Variants in ANO10 observed in about 807,000 individuals in gnomAD.
ANO10 encodes anoctamin 10, also known as anoctamin-10.
A neutral mutation model predicts 74.7 loss-of-function variants in ANO10; 77 were observed. The observed-to-expected ratio is 1.03, with a 90% CI of 0.86 to 1.25. The LOEUF is 1.25. Among genes scored for constraint, ANO10 ranks in the 50% most tolerant of loss-of-function variants. The pLI is 0.00. For missense variants in ANO10, 721 were observed against 778.1 expected (o/e 0.93, Z 0.87); for synonymous variants, 279 against 284.9 (o/e 0.98, Z 0.21).
intron 1 of ANO10, among the ~76,000 whole-genome samples, chr3:43,632,325 G>A (rs994325994): frequency 2.0e-5 from 3 of 152,194 alleles, no homozygotes; most frequent in Non-Finnish European, 2.9e-5. Context: ...GCACTGGCAG[G>A]AGACTAGAGA....
intron 12 of ANO10, among the ~76,000 whole-genome samples, chr3:43,412,960 A>G (rs576416065): frequency 1.3e-5 from 2 of 152,224 alleles, no homozygotes; most frequent in Non-Finnish European, 2.9e-5. Context: ...ACAAGGCAGG[A>G]GAATCACATG....
rs142113989 is a variant in ANO10, at chr3:43,561,519, C to T, written c.1294-117G>A. The T allele has an allele frequency of 1.1e-5, 10 of 946,476 alleles. No individual in the cohort carries two copies. The East Asian group carries it at 1.9e-4, about 18-fold the overall frequency. 58.6% of individuals were successfully genotyped at this position (946,476 alleles called of 1,614,324 possible). On this transcript the variant is annotated intron_variant, in intron 8 of 12. Transcript: ENST00000292246. The stretch of plus-strand genomic sequence containing the variant: ...TTATAGCATAAATACAATTATGCAA[C>T]AAATAAAATGGAATCTTCAATAAAT...
chr3:43,628,763 G>T (rs2083516740), intron 1 of ANO10, among the ~76,000 whole-genome samples: 1 of 152,124 alleles, frequency 6.6e-6, no homozygotes, highest in Admixed American at 6.6e-5. Flanking sequence ...GGGTGAAATA[G>T]ACCCCAGTCT....
intron 12 of ANO10, among the ~76,000 whole-genome samples, chr3:43,413,203 G>T (rs1426163548): frequency 1.3e-5 from 2 of 152,180 alleles, no homozygotes; most frequent in African/African-American, 4.8e-5. Flanking sequence ...GGCCACAGGA[G>T]AGAATGGAGA....
rs925663453 is a variant in ANO10, at chr3:43,366,876, G to A, written c.*30C>T. On this transcript the variant is annotated 3_prime_UTR_variant, in exon 13 of 13. Coordinates refer to ENST00000292246, the MANE Select transcript of ANO10 (RefSeq NM_018075.5). ...AGGTGTGGCACAGACACAGGCCTCT[G>A]CCAACAGGGCAGCTGGGCACGCTGG... The A allele has an allele frequency of 1.4e-5, 22 of 1,562,486 alleles. No individual in the cohort carries two copies. Among genetic ancestry groups the A allele is most frequent in the Non-Finnish European group, 1.7e-5 (20 of 1,152,652 alleles).
chr3:43,507,828 G>C (rs906896119), intron 11 of ANO10, among the ~76,000 whole-genome samples: 5 of 152,070 alleles, frequency 3.3e-5, no homozygotes, highest in African/African-American at 1.2e-4. Context: ...TGGTTTTGAA[G>C]AAAAAGGGGG....
At chr3:43,680,284 C>T (rs1227971996) in intron 1 of ANO10, among the ~76,000 whole-genome samples, 14 of 152,098 alleles carry the variant, frequency 9.2e-5, no homozygotes, top group Admixed American at 4.6e-4. Context: ...AACTATGTGA[C>T]GAATGCACAA....
chr3:43,589,696 T>G (rs2081640254), intron 4 of ANO10, among the ~76,000 whole-genome samples: 1 of 152,182 alleles, frequency 6.6e-6, no homozygotes, highest in African/African-American at 2.4e-5. Context: ...AAGATGCATA[T>G]ACCTTTGATC....
intron 4 of ANO10, among the ~76,000 whole-genome samples, chr3:43,595,089 A>G (rs57229075): frequency 0.018 from 2,713 of 152,316 alleles, 71 homozygotes; most frequent in African/African-American, 0.06. Context: ...TGAATAGACC[A>G]ATAACAGACT....
chr3:43,682,273 AAAC>A (rs2149582594), intron 1 of ANO10, among the ~76,000 whole-genome samples: 1 of 152,370 alleles, frequency 6.6e-6, no homozygotes, highest in Admixed American at 6.5e-5. Flanking sequence ...ACAGAAATAC[AAAC>A]AACCATCAGA....
At chr3:43,408,489 T>C (rs570937206) in intron 12 of ANO10, among the ~76,000 whole-genome samples, 5 of 152,320 alleles carry the variant, frequency 3.3e-5, no homozygotes, top group Admixed American at 2.6e-4. Flanking sequence ...CTTCCCGACC[T>C]GCTCCTTTCA....
intron 12 of ANO10, among the ~76,000 whole-genome samples, chr3:43,418,712 G>A (rs576741314): frequency 5.3e-5 from 8 of 152,280 alleles, no homozygotes; most frequent in African/African-American, 1.7e-4. Context: ...CTTCCTGTGC[G>A]TCAGGAATTT....
intron 7 of ANO10, among the ~76,000 whole-genome samples, chr3:43,567,708 G>T (rs1162702008): frequency 3.3e-5 from 5 of 151,832 alleles, no homozygotes; most frequent in Admixed American, 3.3e-4. Flanking sequence ...AGGAACAACT[G>T]GTACCAGCCA....
intron 1 of ANO10, among the ~76,000 whole-genome samples, chr3:43,610,754 C>T (rs927030096): frequency 2.0e-5 from 3 of 152,180 alleles, no homozygotes; most frequent in Admixed American, 1.3e-4. Context: ...CTGAATTAGA[C>T]TTCAATGAAC....
chr3:43,471,781 A>T (rs2149058339), intron 11 of ANO10, among the ~76,000 whole-genome samples: 1 of 152,286 alleles, frequency 6.6e-6, no homozygotes, highest in African/African-American at 2.4e-5. Flanking sequence ...CCTAAAAAAA[A>T]TTTCTTTTTA....
At chr3:43,539,970 A>C (rs1456696410) in intron 11 of ANO10, among the ~76,000 whole-genome samples, 1 of 152,216 alleles carries the variant, frequency 6.6e-6, no homozygotes, top group Non-Finnish European at 1.5e-5. Flanking sequence ...AATCTGCAAA[A>C]ACTGGATGTT....
chr3:43,650,743 A>G (rs1209527201), intron 1 of ANO10, among the ~76,000 whole-genome samples: 1 of 152,210 alleles, frequency 6.6e-6, no homozygotes, highest in East Asian at 1.9e-4. Flanking sequence ...ATCTTAAGCC[A>G]GCTGCTGTGT....
intron 12 of ANO10, among the ~76,000 whole-genome samples, chr3:43,426,477 G>A (rs1371099848): frequency 6.6e-6 from 1 of 152,282 alleles, no homozygotes; most frequent in Middle Eastern, 3.4e-3. Context: ...TCTCCTTAAA[G>A]TCCTTCTCTT....
chr3:43,537,172 A>G (rs1392537886), intron 11 of ANO10, among the ~76,000 whole-genome samples: 1 of 152,290 alleles, frequency 6.6e-6, no homozygotes, highest in African/African-American at 2.4e-5. Context: ...CATCTTGCTC[A>G]TATGTCCTTC....
Sources: gnomAD v4.1 joint callset for allele counts (sites outside exome capture counted in the v4.1 genomes callset) on GRCh38, gnomAD v4.1.1 for gene constraint, MANE v1.5 for transcripts, NCBI Gene and HGNC (gene_info 2026-07-23, HGNC 2026-07-21) for gene names.